AHDC1: variants seen among roughly 807,000 people sequenced by gnomAD.
AHDC1 encodes the protein transcription factor Gibbin.
Under a neutral mutation model 87.9 loss-of-function variants are expected in AHDC1, and 7 were observed. The ratio of observed to expected loss-of-function variants is 0.08; its 90% CI spans 0.05 to 0.15. The LOEUF (loss-of-function observed/expected upper bound fraction) is 0.15. Ranked by LOEUF, AHDC1 falls within the 10% of genes least tolerant of loss-of-function variation. The pLI is 1.00. For synonymous variants in AHDC1, 1,051 were observed against 1,006.8 expected (o/e 1.04, Z -0.83); for missense variants, 1,841 against 2,253.2 (o/e 0.82, Z 3.70).
chr1:27,559,157 T>A (rs1007443308), intron 3 of AHDC1, among the ~76,000 whole-genome samples: 3 of 152,058 alleles, frequency 2.0e-5, no homozygotes, highest in Non-Finnish European at 4.4e-5. Flanking sequence ...GCTCAAGTGA[T>A]CCTCCCACCT....
Position 27,593,106 on chromosome 1 carries a change from G to A in AHDC1, c.-629+10291C>T, listed in dbSNP as rs983696390. On this transcript the variant is annotated intron_variant, in intron 3 of 8. Coordinates refer to ENST00000673934, the MANE Select transcript of AHDC1 (RefSeq NM_001371928.1). The surrounding 1 kb of genome is among the most constrained non-coding windows in gnomAD (Gnocchi z 4.9). ...TGCCCCTCCAGGGGACACAGGCCTC[G>A]GTGGAACGGAGTAGACACGGTGTCT... is the stretch of plus-strand genomic sequence containing the variant. Among the ~76,000 whole-genome samples, 4 of 152,036 alleles carry A rather than the reference G, an allele frequency of 2.6e-5. No homozygotes were observed. The highest frequency in any genetic ancestry group is 5.9e-5 in the Non-Finnish European group (4 of 67,986).
intron 5 of AHDC1, among the ~76,000 whole-genome samples, chr1:27,557,405 T>G (rs146427355): frequency 7.6e-6 from 1 of 131,282 alleles, no homozygotes; most frequent in Non-Finnish European, 1.6e-5. Context: ...CCCAGAGAGC[T>G]CCTTGTTCCA....
Position 27,549,205 on chromosome 1 carries a change from A to C in AHDC1, c.2911T>G (p.Tyr971Asp). Reference protein sequence around the residue: ...HPPANTYLPQYGGYGAGQSVF... With the variant: ...HPPANTYLPQDGGYGAGQSVF... ...CTTTGTCCGGCCCCATAGCCGCCGT[A>C]CTGGGGCAGGTAGGTGTTGGCAGGC... The change falls in exon 8 of 9, where the codon TAC becomes GAC. Residue 971 changes from tyrosine (Y) to aspartate (D), a missense_variant. Tyr to Asp is a radical substitution (Grantham distance 160, BLOSUM62 -3). This residue lies in a region of AHDC1 where 378 missense variants were observed against 399.0 expected (regional missense o/e 0.95). Coordinates refer to ENST00000673934, the MANE Select transcript of AHDC1 (RefSeq NM_001371928.1). The C allele has an allele frequency of 6.2e-7, 1 of 1,600,636 alleles. No homozygotes were observed. Among genetic ancestry groups the C allele is most frequent in the Middle Eastern group, 1.7e-4 (1 of 6,022 alleles).
chr1:27,584,891 G>A (rs1032730032), intron 3 of AHDC1, among the ~76,000 whole-genome samples: 13 of 152,144 alleles, frequency 8.5e-5, no homozygotes, highest in Admixed American at 8.5e-4. Flanking sequence ...GGGCAGGACA[G>A]GACAGGCGTG....
intron 3 of AHDC1, among the ~76,000 whole-genome samples, chr1:27,572,167 T>C (rs1224914492): frequency 2.0e-5 from 3 of 152,000 alleles, no homozygotes; most frequent in Non-Finnish European, 4.4e-5. Flanking sequence ...CTGGAGGAGA[T>C]TGAACAGGAA....
At chr1:27,571,346 C>T (rs1027306979) in intron 3 of AHDC1, among the ~76,000 whole-genome samples, 6 of 152,162 alleles carry the variant, frequency 3.9e-5, no homozygotes, top group Admixed American at 3.3e-4. Flanking sequence ...ACAACCCTGC[C>T]CTGGGGAGTC....
chr1:27,556,798 T>C lies in AHDC1; in HGVS notation c.-225+1507A>G, dbSNP rs2019836178. Among the ~76,000 whole-genome samples, 9 of 151,922 alleles carry C rather than the reference T, an allele frequency of 5.9e-5. 1 individual carries two copies. The South Asian group carries it at 1.9e-3, about 32-fold the overall frequency. ...CCTCCCCTGCAGCCTCCTACAACGG[T>C]CCTAGTCCCAACCATCAGTTCTAAT... On this transcript the variant is annotated intron_variant, in intron 5 of 8. Coordinates refer to ENST00000673934, the MANE Select transcript of AHDC1 (RefSeq NM_001371928.1).
rs2020166518 is a variant in AHDC1, at chr1:27,563,066, CCCCACA to C, written c.-628-4189_-628-4184del. On this transcript the variant is annotated intron_variant, in intron 3 of 8. Coordinates refer to ENST00000673934, the MANE Select transcript of AHDC1 (RefSeq NM_001371928.1). The surrounding 1 kb of genome is among the most constrained non-coding windows in gnomAD (Gnocchi z 6.1). ...GCATAACTGACACGCAACCAGGCACCCCCACACCCACTAATGCACAGAGAACCTGTT... is the reference window on the plus strand; with the variant it reads ...GCATAACTGACACGCAACCAGGCACCCCCACTAATGCACAGAGAACCTGTT... Among the ~76,000 whole-genome samples the C allele has an allele frequency of 6.6e-6, 1 of 152,100 alleles. No homozygotes were observed. The highest frequency in any genetic ancestry group is 6.5e-5 in the Admixed American group (1 of 15,268).
chr1:27,549,191 C>G lies in AHDC1; in HGVS notation c.2925G>C (p.Gly975=). 6.3e-7 allele frequency: 1 copy of G among 1,592,306 alleles called. No homozygotes were observed. The highest frequency in any genetic ancestry group is 8.6e-7 in the Non-Finnish European group (1 of 1,169,194). The change falls in exon 8 of 9, where the codon GGG becomes GGC. Residue 975 remains glycine, a synonymous_variant. Coordinates refer to ENST00000673934, the MANE Select transcript of AHDC1 (RefSeq NM_001371928.1). ...NTYLPQYGGY[G]AGQSVFAPTK... ...TTGGGGCGAATACGCTTTGTCCGGCCCCATAGCCGCCGTACTGGGGCAGGT... is the reference window on the plus strand; with the variant it reads ...TTGGGGCGAATACGCTTTGTCCGGCGCCATAGCCGCCGTACTGGGGCAGGT...
intron 3 of AHDC1, among the ~76,000 whole-genome samples, chr1:27,575,850 C>A (rs1191409353): frequency 6.6e-6 from 1 of 150,802 alleles, no homozygotes; most frequent in Non-Finnish European, 1.5e-5. Flanking sequence ...TTTTTCCTGG[C>A]CCCCGGCCCG....
At position 27,550,420 on chromosome 1, in the gene AHDC1, C is replaced by T. The variant is rs2019474627; in HGVS notation, c.1696G>A (p.Val566Met). The T allele has an allele frequency of 6.2e-6, 10 of 1,611,172 alleles. No individual in the cohort carries two copies. The East Asian group carries it at 6.7e-5, about 11-fold the overall frequency. Residue 566 changes from valine (V) to methionine (M), a missense_variant, in exon 8 of 9, where the codon GTG becomes ATG. Val to Met is a conservative substitution (Grantham distance 21). This residue lies in a region of AHDC1 where 84 missense variants were observed against 111.7 expected (regional missense o/e 0.75). Coordinates refer to ENST00000673934, the MANE Select transcript of AHDC1 (RefSeq NM_001371928.1). ...ACAGTGGCTGCCTCGGCCGCCACCA[C>T]AGCTGGCTCCTTGGGCTTGCCGGGA... ...LGPGKPKEPA[V>M]VAAEAATVAA...
At position 27,593,388 on chromosome 1, in the gene AHDC1, T is replaced by C. The variant is rs921850205; in HGVS notation, c.-629+10009A>G. On this transcript the variant is annotated intron_variant, in intron 3 of 8. Coordinates refer to ENST00000673934, the MANE Select transcript of AHDC1 (RefSeq NM_001371928.1). This position sits in a 1 kb window ranked among gnomAD's most constrained non-coding sequence, Gnocchi z 4.9. ...GTGAATGCCCCAGAGTCTACCGCAG[T>C]GTGCCCACTGCTGCCGCCACCACTA... 6.6e-6 allele frequency among the ~76,000 whole-genome samples: 1 copy of C among 152,218 alleles called. No homozygotes were observed. The highest frequency in any genetic ancestry group is 1.5e-5 in the Non-Finnish European group (1 of 68,026).
chr1:27,540,903 G>A (rs2018874602), intron 8 of AHDC1, among the ~76,000 whole-genome samples: 1 of 147,270 alleles, frequency 6.8e-6, no homozygotes, highest in Admixed American at 7.0e-5. Flanking sequence ...GAAGCAATCA[G>A]AAGGTGTAGA....
Position 27,593,029 on chromosome 1 carries a change from G to C in AHDC1, c.-629+10368C>G, listed in dbSNP as rs2089270369. Among the ~76,000 whole-genome samples the C allele has an allele frequency of 2.0e-5, 3 of 152,094 alleles. No homozygotes were observed. In the South Asian group the frequency reaches 6.2e-4, roughly 32 times the overall value. On this transcript the variant is annotated intron_variant, in intron 3 of 8. Transcript: ENST00000673934. This position sits in a 1 kb window ranked among gnomAD's most constrained non-coding sequence, Gnocchi z 4.9. ...GGGGCAGAGTTGGCCCCACCTCCGA[G>C]CTGCATTATTTATAAAACCCAGAGC... is the stretch of plus-strand genomic sequence containing the variant.
intron 8 of AHDC1, among the ~76,000 whole-genome samples, chr1:27,546,806 C>T (rs1423414872): frequency 6.6e-6 from 1 of 152,196 alleles, no homozygotes; most frequent in Non-Finnish European, 1.5e-5. Flanking sequence ...GCCAGCAGGG[C>T]TGGTCCTCTG....
chr1:27,567,252 C>T (rs996101946), intron 3 of AHDC1, among the ~76,000 whole-genome samples: 2 of 152,214 alleles, frequency 1.3e-5, no homozygotes, highest in Non-Finnish European at 2.9e-5. Context: ...GTAATCCTAA[C>T]GCAGAGCCCA....
At chr1:27,604,188 G>T (rs1022909682), upstream of AHDC1, 1 of 152,216 alleles carries the variant, frequency 6.6e-6, no homozygotes, top group Non-Finnish European at 1.5e-5. Context: ...GGAACCCCAG[G>T]GGGGAGCGCG....
Position 27,598,871 on chromosome 1 carries a change from TG to T in AHDC1, c.-629+4525del, listed in dbSNP as rs2089449259. ...GAACGCAGAGACCAGCACCCTACCT[TG>T]CACTGGTGACAGCGCCCCCGTCACA... On this transcript the variant is annotated intron_variant, in intron 3 of 8. Transcript: ENST00000673934. The surrounding 1 kb of genome is among the most constrained non-coding windows in gnomAD (Gnocchi z 4.2). 6.6e-6 allele frequency among the ~76,000 whole-genome samples: 1 copy of T among 152,070 alleles called. No homozygotes were observed. Among genetic ancestry groups the T allele is most frequent in the South Asian group, 2.1e-4 (1 of 4,826 alleles).
intron 3 of AHDC1, among the ~76,000 whole-genome samples, chr1:27,570,275 C>T (rs551789116): frequency 2.5e-4 from 38 of 152,160 alleles, no homozygotes; most frequent in Admixed American, 4.6e-4. Context: ...TCTGGGATCA[C>T]GTTGCAAACT....
Sources: allele counts gnomAD v4.1 joint callset (sites outside exome capture counted in the v4.1 genomes callset), GRCh38; gene constraint gnomAD v4.1.1; regional missense constraint gnomAD v4.1.1; non-coding constraint Gnocchi (gnomAD v3.1); transcripts MANE v1.5; gene names NCBI Gene and HGNC (gene_info 2026-07-23, HGNC 2026-07-21).